Variants in ADAMTS12 observed in about 807,000 individuals in gnomAD.
The protein encoded by ADAMTS12 is A disintegrin and metalloproteinase with thrombospondin motifs 12.
ADAMTS12 carries 118 observed loss-of-function variants against 167.8 expected under a neutral mutation model. The ratio of observed to expected loss-of-function variants is 0.70; its 90% CI spans 0.61 to 0.82. The LOEUF (loss-of-function observed/expected upper bound fraction) is 0.82, where lower values mean the gene tolerates loss of function less well. Ranked by LOEUF, ADAMTS12 falls within the 40% of genes least tolerant of loss-of-function variation. The pLI, the probability that ADAMTS12 is intolerant of heterozygous loss-of-function variation, is 0.00. For synonymous variants in ADAMTS12, 704 were observed against 716.9 expected (o/e 0.98, Z 0.29); for missense variants, 1,916 against 1,998.8 (o/e 0.96, Z 0.79).
At chr5:33,636,350 C>T (rs994457002) in intron 12 of ADAMTS12, among the ~76,000 whole-genome samples, 4 of 152,176 alleles carry the variant, frequency 2.6e-5, no homozygotes, top group Non-Finnish European at 4.4e-5. Flanking sequence ...TGGCTGGATG[C>T]ACCTTTCATC....
chr5:33,616,627 G>A (rs962025616), intron 14 of ADAMTS12, among the ~76,000 whole-genome samples: 2 of 152,178 alleles, frequency 1.3e-5, no homozygotes, highest in Non-Finnish European at 2.9e-5. Flanking sequence ...CCTATGATGA[G>A]GAACTCAACT....
At chr5:33,734,406 T>C (rs1744296639) in intron 3 of ADAMTS12, among the ~76,000 whole-genome samples, 1 of 152,148 alleles carries the variant, frequency 6.6e-6, no homozygotes, top group South Asian at 2.1e-4. Context: ...TTAGCAGAAA[T>C]CATTGCTGTC....
intron 3 of ADAMTS12, chr5:33,751,084 C>A: frequency 2.3e-6 from 1 of 439,676 alleles, no homozygotes; most frequent in Non-Finnish European, 4.0e-6. Context: ...GTAGACTATT[C>A]AGAAGAGTTT....
chr5:33,527,158 A>G lies in ADAMTS12; in HGVS notation c.*30T>C. 6.2e-7 allele frequency: 1 copy of G among 1,612,618 alleles called. No individual in the cohort carries two copies. The highest frequency in any genetic ancestry group is 8.5e-7 in the Non-Finnish European group (1 of 1,178,914). The stretch of plus-strand genomic sequence containing the variant: ...CATGTCATGGTCAGCAGGCTGCTGC[A>G]GTCTGGTGGAAGCTGGCTTCCTTTT... On this transcript the variant is annotated 3_prime_UTR_variant, in exon 24 of 24. Coordinates refer to ENST00000504830, the MANE Select transcript of ADAMTS12 (RefSeq NM_030955.4).
chr5:33,756,020 C>T (rs111418081), intron 2 of ADAMTS12, among the ~76,000 whole-genome samples: 1 of 152,308 alleles, frequency 6.6e-6, no homozygotes, highest in Admixed American at 6.5e-5. Context: ...AAGTATCAAT[C>T]TATATCTATC....
At chr5:33,814,062 T>G (rs1747558511) in intron 2 of ADAMTS12, among the ~76,000 whole-genome samples, 2 of 152,232 alleles carry the variant, frequency 1.3e-5, no homozygotes, top group African/African-American at 2.4e-5. Context: ...TCTCCCAATC[T>G]GTGGCTTGCT....
intron 2 of ADAMTS12, among the ~76,000 whole-genome samples, chr5:33,827,131 C>T (rs1748100278): frequency 2.7e-5 from 1 of 36,476 alleles, no homozygotes; most frequent in South Asian, 5.7e-4. Flanking sequence ...TCAAGGCTGA[C>T]AGATGGGCTT....
intron 3 of ADAMTS12, among the ~76,000 whole-genome samples, chr5:33,689,335 G>A (rs1742463709): frequency 6.6e-6 from 1 of 152,012 alleles, no homozygotes. Context: ...TTAACTTAGT[G>A]GCATGGAGAT....
At chr5:33,638,027 G>A (rs1223055209) in intron 11 of ADAMTS12, among the ~76,000 whole-genome samples, 2 of 151,976 alleles carry the variant, frequency 1.3e-5, no homozygotes, top group Non-Finnish European at 2.9e-5. Context: ...TTTTCCTTTC[G>A]AGTATGCTCC....
At chr5:33,624,129 A>T in intron 14 of ADAMTS12, 102 bp downstream of exon 14, 2 of 1,507,304 alleles carry the variant, frequency 1.3e-6, no homozygotes, top group Admixed American at 3.8e-5. Context: ...AAAATCACAG[A>T]CTGTTTAAAG....
chr5:33,546,093 A>T lies in ADAMTS12; in HGVS notation c.4412T>A (p.Leu1471Gln), dbSNP rs756337774. The change falls in exon 22 of 24, where the codon CTG becomes CAG. Residue 1471 changes from leucine to glutamine, a missense_variant. Leu to Gln is a moderately radical substitution (Grantham distance 113). Coordinates refer to ENST00000504830, the MANE Select transcript of ADAMTS12 (RefSeq NM_030955.4). ...GTTCCCAGTGGCCCAGTGACAGCAC[A>T]GGTGCTCATTGCAAGACATGGTGGA... is the stretch of plus-strand genomic sequence containing the variant. ...PTSTMSCNEH[L>Q]CCHWATGNWD... The T allele has an allele frequency of 1.9e-6, 3 of 1,613,772 alleles. No homozygotes were observed. The highest frequency in any genetic ancestry group is 1.3e-5 in the African/African-American group (1 of 74,992).
rs562395860 is a variant in ADAMTS12 at position 33,842,824 on chromosome 5, A to T, written c.489+38295T>A. Among the ~76,000 whole-genome samples, 5 of 152,372 alleles carry T rather than the reference A, an allele frequency of 3.3e-5. No homozygotes were observed. The South Asian group carries it at 1.0e-3, about 32-fold the overall frequency. On this transcript the variant is annotated intron_variant, in intron 2 of 23. Transcript: ENST00000504830. Reference sequence around the variant, plus strand: ...AACAGTGGGGTGCGAACACACATTCAGAAAGCTAAGGCTAGAAAAACTACA... The same window carrying T: ...AACAGTGGGGTGCGAACACACATTCTGAAAGCTAAGGCTAGAAAAACTACA...
At chr5:33,881,538 A>AAAAG in intron 1 of ADAMTS12, 58 bp from the exon 2 acceptor site, 1 of 1,542,218 alleles carries the variant, frequency 6.5e-7, no homozygotes, top group Non-Finnish European at 8.7e-7. Context: ...AAGCAAAGCC[A>AAAAG]CTTTCGTTTG....
intron 16 of ADAMTS12, among the ~76,000 whole-genome samples, chr5:33,602,266 A>C (rs1738225879): frequency 6.6e-6 from 1 of 152,248 alleles, no homozygotes; most frequent in African/African-American, 2.4e-5. Flanking sequence ...ACAGACCATT[A>C]GATTAGCCAC....
intron 2 of ADAMTS12, among the ~76,000 whole-genome samples, chr5:33,849,331 G>GTATTGCATAGCTATATATA (rs2111636517): frequency 4.1e-5 from 5 of 121,890 alleles, no homozygotes; most frequent in African/African-American, 1.9e-4. Context: ...ATATATATAT[G>GTATTGCATAGCTATATATA]TATTGAATAG....
intron 3 of ADAMTS12, among the ~76,000 whole-genome samples, chr5:33,724,708 T>C (rs1026261764): frequency 1.3e-5 from 2 of 151,858 alleles, no homozygotes; most frequent in African/African-American, 2.4e-5. Context: ...CCCGCCACCG[T>C]GCCCGGCTAA....
At chr5:33,759,384 A>G (rs1438082198) in intron 2 of ADAMTS12, among the ~76,000 whole-genome samples, 1 of 152,248 alleles carries the variant, frequency 6.6e-6, no homozygotes. Context: ...GGCTAAGTTC[A>G]GCACCCAATT....
chr5:33,624,488 C>A, intron 13 of ADAMTS12, 137 bp from the exon 14 acceptor site: 4 of 1,275,110 alleles, frequency 3.1e-6, no homozygotes, highest in Non-Finnish European at 4.3e-6. Flanking sequence ...AATGTTTGTT[C>A]CTGGTGGCAG....
At chr5:33,561,647 G>A (rs1427301721) in intron 19 of ADAMTS12, among the ~76,000 whole-genome samples, 7 of 152,212 alleles carry the variant, frequency 4.6e-5, no homozygotes, top group African/African-American at 1.2e-4. Context: ...CAGGTGTGGT[G>A]GTGTATACTT....
Sources: gnomAD v4.1 joint callset for allele counts (sites outside exome capture counted in the v4.1 genomes callset) on GRCh38, gnomAD v4.1.1 for gene constraint, MANE v1.5 for transcripts, NCBI Gene and HGNC (gene_info 2026-07-23, HGNC 2026-07-21) for gene names.